The following HAX1 variants were observed in gnomAD, a reference collection of about 807,000 sequenced individuals.
HAX1 encodes the protein HCLS1-associated protein X-1.
In HAX1, 27 loss-of-function variants were observed where a neutral mutation model predicts 31.1. That is an observed-to-expected ratio of 0.87 (90% CI 0.64 to 1.20). The LOEUF (loss-of-function observed/expected upper bound fraction) is 1.20, where lower values mean the gene tolerates loss of function less well. Among genes scored for constraint, HAX1 ranks in the 50% most tolerant of loss-of-function variants. The pLI, the probability that HAX1 is intolerant of heterozygous loss-of-function variation, is 0.00. For missense variants in HAX1, 357 were observed against 361.6 expected (o/e 0.99, Z 0.10); for synonymous variants, 114 against 124.1 (o/e 0.92, Z 0.54).
Position 154,275,620 on chromosome 1 carries a change from A to G in HAX1, c.759A>G (p.Pro253=), listed in dbSNP as rs1284205210. The change falls in exon 7 of 7, where the codon CCA becomes CCG. Residue 253 remains proline (P), a synonymous_variant. Coordinates refer to ENST00000328703, the MANE Select transcript of HAX1 (RefSeq NM_006118.4). ...HEADSSPRGD[P]ESPRPPALDD... is the part of the protein sequence containing the mutation. ...GTGTATGACTTTCTTCCTTAGATCC[A>G]GAATCACCAAGACCTCCAGCCCTGG... The G allele has an allele frequency of 6.2e-7, 1 of 1,613,316 alleles. No individual in the cohort carries two copies. Among genetic ancestry groups the G allele is most frequent in the Non-Finnish European group, 8.5e-7 (1 of 1,179,242 alleles).
chr1:154,274,678 A>AAAAAAC (rs1252424871), intron 3 of HAX1, among the ~76,000 whole-genome samples: 1 of 152,088 alleles, frequency 6.6e-6, no homozygotes, highest in African/African-American at 2.4e-5. Flanking sequence ...TGTTTCTTTT[A>AAAAAAC]AAAAACAAAA....
In HAX1 at chr1:154,272,666, T is replaced by G. The variant is rs11265425; in HGVS notation, c.-58T>G. 0.27 allele frequency: 422,978 copies of G among 1,555,112 alleles called. 62,113 individuals carry two copies. The highest frequency in any genetic ancestry group is 0.44 in the East Asian group (19,409 of 44,520). ...AATTTCTCACAGGGCTGCGCAGGTT[T>G]CCCCCGTCTGCGAATGGACCACTGG... is the stretch of plus-strand genomic sequence containing the variant. On this transcript the variant is annotated 5_prime_UTR_variant, in exon 1 of 7. Coordinates refer to ENST00000328703, the MANE Select transcript of HAX1 (RefSeq NM_006118.4).
chr1:154,273,886 G>C lies in HAX1; in HGVS notation c.429G>C (p.Gly143=). The C allele has an allele frequency of 6.2e-7, 1 of 1,614,120 alleles. No individual in the cohort carries two copies. The highest frequency in any genetic ancestry group is 1.6e-4 in the Middle Eastern group (1 of 6,062). ...GTCACCAGCCCAGGATCTTTGGGGGGGTCTTGGAGAGTGATGCAAGAAGTG... is the reference window on the plus strand; with the variant it reads ...GTCACCAGCCCAGGATCTTTGGGGGCGTCTTGGAGAGTGATGCAAGAAGTG... ...PDSHQPRIFG[G]VLESDARSES... is the part of the protein sequence containing the mutation. The change falls in exon 3 of 7, where the codon GGG becomes GGC. Residue 143 remains glycine, a synonymous_variant. Coordinates refer to ENST00000328703, the MANE Select transcript of HAX1 (RefSeq NM_006118.4).
Position 154,275,628 on chromosome 1 carries a change from C to A in HAX1, c.767C>A (p.Pro256Gln). 6.2e-7 allele frequency: 1 copy of A among 1,613,594 alleles called. No homozygotes were observed. Among genetic ancestry groups the A allele is most frequent in the Non-Finnish European group, 8.5e-7 (1 of 1,179,536 alleles). Residue 256 changes from proline (P) to glutamine (Q), a missense_variant, in exon 7 of 7, where the codon CCA becomes CAA. Pro to Gln is a moderately conservative substitution (Grantham distance 76). Transcript: ENST00000328703. ...CTTTCTTCCTTAGATCCAGAATCAC[C>A]AAGACCTCCAGCCCTGGATGATGCC... is the stretch of plus-strand genomic sequence containing the variant. ...DSSPRGDPES[P>Q]RPPALDDAFS...
Position 154,273,370 on chromosome 1 carries a change from G to T in HAX1, c.88G>T (p.Asp30Tyr), listed in dbSNP as rs755419122. 1 of 1,613,930 alleles carries T rather than the reference G, an allele frequency of 6.2e-7. No individual in the cohort carries two copies. The highest frequency in any genetic ancestry group is 1.1e-5 in the South Asian group (1 of 91,068). ...TCCCTTTTTTGGAGGGATGACTCGA[G>T]ATGAAGATGATGATGAGGAAGAAGA... The part of the protein sequence containing the change: ...RDPFFGGMTR[D>Y]EDDDEEEEEE... Residue 30 changes from aspartate (D) to tyrosine (Y), a missense_variant, in exon 2 of 7, where the codon GAT (aspartate) becomes TAT (tyrosine). Asp to Tyr is a radical substitution (Grantham distance 160). Coordinates refer to ENST00000328703, the MANE Select transcript of HAX1 (RefSeq NM_006118.4).
intron 2 of HAX1, 59 bp downstream of exon 2, chr1:154,273,657 A>G (rs771439609): frequency 5.0e-6 from 8 of 1,600,722 alleles, no homozygotes; most frequent in Non-Finnish European, 6.9e-6. Flanking sequence ...GGGTGAAATA[A>G]AGAGCCTGCA....
At position 154,273,368 on chromosome 1, in the gene HAX1, GAGATGA is replaced by G. The variant is rs765647412; in HGVS notation, c.93_98del (p.Glu31_Asp32del). The G allele has an allele frequency of 4.3e-6, 7 of 1,613,776 alleles. No individual in the cohort carries two copies. The highest frequency in any genetic ancestry group is 1.7e-5 in the Admixed American group (1 of 59,982). On this transcript the variant is annotated inframe_deletion, in exon 2 of 7. Coordinates refer to ENST00000328703, the MANE Select transcript of HAX1 (RefSeq NM_006118.4). ...GATCCCTTTTTTGGAGGGATGACTC[GAGATGA>G]AGATGATGATGAGGAAGAAGAAGAA...
At position 154,272,633 on chromosome 1, in the gene HAX1, C is replaced by A; in HGVS notation, c.-91C>A. 3 of 1,326,372 alleles carry A rather than the reference C, an allele frequency of 2.3e-6. No homozygotes were observed. The highest frequency in any genetic ancestry group is 3.2e-6 in the Non-Finnish European group (3 of 925,346). The allele number at this position is 1,326,372 out of a possible 1,614,324, so 82.2% of individuals were successfully genotyped here. A position where few individuals can be genotyped will look rare whatever the true frequency, so the allele number is the denominator to read the frequency against. On this transcript the variant is annotated 5_prime_UTR_variant, in exon 1 of 7. Transcript: ENST00000328703. ...TGCTTTCCGGTAGCGTGGGCTGACG[C>A]CTCGCTCAATTTCTCACAGGGCTGC... is the stretch of plus-strand genomic sequence containing the variant.
rs772675030 is a variant in HAX1 at position 154,273,431 on chromosome 1, G to A, written c.149G>A (p.Arg50Lys). Residue 50 changes from arginine to lysine, a missense_variant, in exon 2 of 7, where the codon AGG becomes AAG. By Grantham distance (26) the Arg-to-Lys change is conservative. Transcript: ENST00000328703. ...GGCTCATGGGGCCGTGGGAACCCAA[G>A]GTTCCATAGTCCTCAGCACCCCCCT... is the stretch of plus-strand genomic sequence containing the variant. ...EGGSWGRGNP[R>K]FHSPQHPPEE... 1 of 1,614,168 alleles carries A rather than the reference G, an allele frequency of 6.2e-7. No individual in the cohort carries two copies. Among genetic ancestry groups the A allele is most frequent in the African/African-American group, 1.3e-5 (1 of 75,012 alleles).
chr1:154,275,409 G>T lies in HAX1; in HGVS notation c.680G>T (p.Arg227Leu), dbSNP rs747372275. 7 of 1,613,854 alleles carry T rather than the reference G, an allele frequency of 4.3e-6. No homozygotes were observed. The African/African-American group carries it at 9.3e-5, about 22-fold the overall frequency. Residue 227 changes from arginine (R) to leucine (L), a missense_variant, in exon 6 of 7, where the codon CGG becomes CTG. Transcript: ENST00000328703. ...TCTTTGTAGATAGTGGAGGAGCGCC[G>T]GACTGTGGTGGACAGTGAGGGCCGG... The part of the protein sequence containing the change: ...TKPDGIVEER[R>L]TVVDSEGRTE...
At chr1:154,273,150 TAA>T (rs373573437) in intron 1 of HAX1, 184 bp from the exon 2 acceptor site, 60,016 of 485,666 alleles carry the variant, frequency 0.12, no homozygotes, top group Middle Eastern at 0.15. Flanking sequence ...TGACTTTGAT[TAA>T]AAAAAAAAAA....
In HAX1 at chr1:154,275,644, G is replaced by A; in HGVS notation, c.783G>A (p.Leu261=). ...CAGAATCACCAAGACCTCCAGCCCT[G>A]GATGATGCCTTTTCCATCCTGGACT... ...GDPESPRPPA[L]DDAFSILDLF... The change falls in exon 7 of 7, where the codon CTG becomes CTA. Residue 261 remains leucine, a synonymous_variant. Transcript: ENST00000328703. 6.2e-7 allele frequency: 1 copy of A among 1,614,000 alleles called. No individual in the cohort carries two copies. Among genetic ancestry groups the A allele is most frequent in the East Asian group, 2.2e-5 (1 of 44,884 alleles).
At position 154,272,710 on chromosome 1, in the gene HAX1, G is replaced by C; in HGVS notation, c.-14G>C. 6.2e-7 allele frequency: 1 copy of C among 1,614,038 alleles called. No homozygotes were observed. The highest frequency in any genetic ancestry group is 1.1e-5 in the South Asian group (1 of 91,042). Reference sequence around the variant, plus strand: ...CCACTGGAGGGGTTCAAAGGTTCGCGTCCCAGTACGGGAATGAGCCTCTTT... The same window carrying C: ...CCACTGGAGGGGTTCAAAGGTTCGCCTCCCAGTACGGGAATGAGCCTCTTT... On this transcript the variant is annotated 5_prime_UTR_variant, in exon 1 of 7. Transcript: ENST00000328703.
At chr1:154,273,712 A>G (rs750604799) in intron 2 of HAX1, 62 bp from the exon 3 acceptor site, 4 of 1,601,936 alleles carry the variant, frequency 2.5e-6, no homozygotes, top group Non-Finnish European at 3.4e-6. Context: ...TGATGATTTC[A>G]GAGAGATTAA....
intron 3 of HAX1, 59 bp downstream of exon 3, chr1:154,274,020 A>G: frequency 6.7e-7 from 1 of 1,492,158 alleles, no homozygotes; most frequent in Non-Finnish European, 9.4e-7. Context: ...ATAAAGTGCA[A>G]AGACTGGCTA....
In HAX1 at chr1:154,273,848, A is replaced by G. The variant is rs1340613576; in HGVS notation, c.391A>G (p.Lys131Glu). 1 of 1,614,074 alleles carries G rather than the reference A, an allele frequency of 6.2e-7. No individual in the cohort carries two copies. Among genetic ancestry groups the G allele is most frequent in the Admixed American group, 1.7e-5 (1 of 60,024 alleles). ...ACAGACACTTCGGGACTCAATGCTTAAGTATCCAGATAGTCACCAGCCCAG... is the reference window on the plus strand; with the variant it reads ...ACAGACACTTCGGGACTCAATGCTTGAGTATCCAGATAGTCACCAGCCCAG... ...EGQTLRDSML[K>E]YPDSHQPRIF... The change falls in exon 3 of 7, where the codon AAG (lysine) becomes GAG (glutamate). Residue 131 changes from lysine (K) to glutamate (E), a missense_variant. By Grantham distance (56) the Lys-to-Glu change is moderately conservative. Transcript: ENST00000328703.
chr1:154,275,057 G>A (rs762677960), intron 4 of HAX1, 56 bp downstream of exon 4: 1 of 1,492,220 alleles, frequency 6.7e-7, no homozygotes. Context: ...CTGAAGTTCT[G>A]TGTGTTCTCC....
At position 154,273,342 on chromosome 1, in the gene HAX1, A is replaced by T. The variant is rs574247372; in HGVS notation, c.60A>T (p.Arg20Ser). ...AATCTGCCTCCACTCTCAGCCACAGAGATCCCTTTTTTGGAGGGATGACTC... is the reference window on the plus strand; with the variant it reads ...AATCTGCCTCCACTCTCAGCCACAGTGATCCCTTTTTTGGAGGGATGACTC... ...FFGFPGPRSHRDPFFGGMTRD... is the reference protein window; with the variant it reads ...FFGFPGPRSHSDPFFGGMTRD... Residue 20 changes from arginine (R) to serine (S), a missense_variant, in exon 2 of 7, where the codon AGA (arginine) becomes AGT (serine). Coordinates refer to ENST00000328703, the MANE Select transcript of HAX1 (RefSeq NM_006118.4). 17 of 1,613,936 alleles carry T rather than the reference A, an allele frequency of 1.1e-5. No individual in the cohort carries two copies. In the South Asian group the frequency reaches 1.5e-4, roughly 15 times the overall value.
At position 154,275,433 on chromosome 1, in the gene HAX1, G is replaced by A. The variant is rs139138892; in HGVS notation, c.704G>A (p.Arg235Gln). The A allele has an allele frequency of 5.1e-5, 82 of 1,613,996 alleles. No homozygotes were observed. Among genetic ancestry groups the A allele is most frequent in the Non-Finnish European group, 6.3e-5 (74 of 1,180,004 alleles). ...CGGACTGTGGTGGACAGTGAGGGCC[G>A]GACAGAGACTACAGTAACCCGACAC... ...ERRTVVDSEG[R>Q]TETTVTRHEA... Residue 235 changes from arginine (R) to glutamine (Q), a missense_variant, in exon 6 of 7, where the codon CGG becomes CAG. Coordinates refer to ENST00000328703, the MANE Select transcript of HAX1 (RefSeq NM_006118.4).
Sources: gnomAD v4.1 joint callset for allele counts (sites outside exome capture counted in the v4.1 genomes callset) on GRCh38, gnomAD v4.1.1 for gene constraint, MANE v1.5 for transcripts, NCBI Gene and HGNC (gene_info 2026-07-23, HGNC 2026-07-21) for gene names.